Variants in CAND2 observed in about 807,000 individuals in gnomAD.
The protein encoded by CAND2 is cullin associated and neddylation dissociated 2 (putative), also known as cullin-associated NEDD8-dissociated protein 2.
A neutral mutation model predicts 98.9 loss-of-function variants in CAND2; 62 were observed. The observed-to-expected ratio is 0.63, with a 90% CI of 0.51 to 0.77. The LOEUF is 0.77. CAND2 is among the 30% of genes least tolerant of loss of function. The pLI, the probability that CAND2 is intolerant of heterozygous loss-of-function variation, is 0.00. For synonymous variants in CAND2, 770 were observed against 731.9 expected, an observed-to-expected ratio of 1.05 and a Z score of -0.84; for missense variants, 1,501 against 1,655.2, an observed-to-expected ratio of 0.91 and a Z score of 1.62.
chr3:12,817,345 G>A lies in CAND2; in HGVS notation c.2413G>A (p.Ala805Thr), dbSNP rs2061916173. Residue 805 changes from alanine to threonine, a missense_variant, in exon 10 of 15, where the codon GCC (alanine) becomes ACC (threonine). Physicochemically the swap from Ala to Thr is moderately conservative, Grantham distance 58. Transcript: ENST00000456430. ...GCACAAGCAGGTGTTCCACTCATTG[G>A]CCCGGTGTGTGGCAGCCCTCTCAGC... ...GLHKQVFHSL[A>T]RCVAALSAAC... 6.2e-7 allele frequency: 1 copy of A among 1,613,906 alleles called. No individual in the cohort carries two copies. The highest frequency in any genetic ancestry group is 8.5e-7 in the Non-Finnish European group (1 of 1,180,038).
intron 1 of CAND2, among the ~76,000 whole-genome samples, chr3:12,797,420 T>C (rs1419665305): frequency 2.6e-5 from 4 of 151,914 alleles, no homozygotes; most frequent in Middle Eastern, 3.2e-3. Flanking sequence ...GGGCTGAGTC[T>C]GGCTTTCCAG....
chr3:12,826,229 A>G (rs879544313), intron 12 of CAND2, among the ~76,000 whole-genome samples: 31 of 152,178 alleles, frequency 2.0e-4, no homozygotes, highest in Non-Finnish European at 4.3e-4. Flanking sequence ...ATCATACACC[A>G]AGGAGCAGCT....
At chr3:12,821,992 CAT>C (rs2061960202) in intron 11 of CAND2, among the ~76,000 whole-genome samples, 1 of 152,120 alleles carries the variant, frequency 6.6e-6, no homozygotes, top group African/African-American at 2.4e-5. Flanking sequence ...TCCTTGTTCT[CAT>C]CAATTTTTTT....
rs752130684 is a variant in CAND2 at position 12,816,769 on chromosome 3, A to G, written c.1837A>G (p.Thr613Ala). Residue 613 changes from threonine (T) to alanine (A), a missense_variant, in exon 10 of 15, where the codon ACG becomes GCG. Thr to Ala is a moderately conservative substitution (Grantham distance 58). Transcript: ENST00000456430. The part of the protein sequence containing the change: ...GDRLGDDLEP[T>A]LLLLLDRLRN... ...CCGGCTTGGGGATGACCTGGAGCCC[A>G]CGTTACTGCTCCTCCTGGACCGCCT... 2 of 1,613,520 alleles carry G rather than the reference A, an allele frequency of 1.2e-6. No individual in the cohort carries two copies. Among genetic ancestry groups the G allele is most frequent in the Admixed American group, 3.3e-5 (2 of 60,028 alleles).
In CAND2 at chr3:12,816,393, C is replaced by T. The variant is rs190498320; in HGVS notation, c.1461C>T (p.Ala487=). ...VLVSGIIFSL[A]DRSSSSTIRM... ...CTGCAGGCATCATCTTCTCGCTGGC[C>T]GACCGCTCCAGCTCCTCCACCATCC... Residue 487 remains alanine, a synonymous_variant, in exon 10 of 15, where the codon GCC becomes GCT. Transcript: ENST00000456430. The T allele has an allele frequency of 3.5e-5, 57 of 1,612,332 alleles. No individual in the cohort carries two copies. The South Asian group carries it at 4.6e-4, about 13-fold the overall frequency.
chr3:12,808,099 T>TGGGACC, intron 3 of CAND2, 111 bp from the exon 4 acceptor site: 1 of 1,384,628 alleles, frequency 7.2e-7, no homozygotes, highest in South Asian at 1.4e-5. Flanking sequence ...CCTGGTAAGA[T>TGGGACC]TCCCGGGGAT....
Position 12,827,433 on chromosome 3 carries a change from C to T in CAND2, c.3211-7C>T. The stretch of plus-strand genomic sequence containing the variant: ...GGCCATATCACCAACCTTCATCCCT[C>T]CTGCAGGTGGAGATGGGGCCCTTTA... On this transcript the variant is annotated splice_region_variant and splice_polypyrimidine_tract_variant and intron_variant, in intron 12 of 14. Coordinates refer to ENST00000456430, the MANE Select transcript of CAND2 (RefSeq NM_001162499.2). The T allele has an allele frequency of 6.2e-7, 1 of 1,611,442 alleles. No individual in the cohort carries two copies.
At position 12,831,622 on chromosome 3, in the gene CAND2, CCTCGGCCAGTCGTTCA is replaced by C. The variant is rs747680004; in HGVS notation, c.3483+51_3483+66del. On this transcript the variant is annotated intron_variant, in intron 14 of 14. Coordinates refer to ENST00000456430, the MANE Select transcript of CAND2 (RefSeq NM_001162499.2). ...CCAGGCCCTGGAGCACCTATGGAGTCCTCGGCCAGTCGTTCAGTTACCCTTACTGAGCACTTCCTGC... is the reference window on the plus strand; with the variant it reads ...CCAGGCCCTGGAGCACCTATGGAGTCGTTACCCTTACTGAGCACTTCCTGC... The C allele has an allele frequency of 9.3e-6, 12 of 1,288,002 alleles. No homozygotes were observed. In the Middle Eastern group the frequency reaches 6.0e-4, roughly 64 times the overall value. 79.8% of individuals were successfully genotyped at this position (1,288,002 alleles called of 1,614,324 possible).
chr3:12,817,771 G>C lies in CAND2; in HGVS notation c.2839G>C (p.Gly947Arg). 1 of 1,549,268 alleles carries C rather than the reference G, an allele frequency of 6.5e-7. No homozygotes were observed. Residue 947 changes from glycine to arginine, a missense_variant, in exon 10 of 15, where the codon GGT becomes CGT. Physicochemically the swap from Gly to Arg is moderately radical, Grantham distance 125. Around this residue, in one of 3 missense-constraint regions of CAND2, gnomAD observed 1,427 missense variants for 1,545.3 expected, o/e 0.92. Transcript: ENST00000456430. The part of the protein sequence containing the change: ...IWALLFQRCE[G>R]AEEGTRGVVA... ...GGCCTTGCTGTTCCAGCGCTGCGAG[G>C]GTGCTGAGGAGGGCACCCGGGGGGT...
At chr3:12,821,233 CAAA>C (rs10589402) in intron 11 of CAND2, among the ~76,000 whole-genome samples, 320 of 139,822 alleles carry the variant, frequency 2.3e-3, no homozygotes, top group African/African-American at 4.2e-3. Flanking sequence ...GACTCCGTCT[CAAA>C]AAAAAAAAAA....
chr3:12,802,716 C>T (rs1448696244), intron 1 of CAND2, among the ~76,000 whole-genome samples: 6 of 152,198 alleles, frequency 3.9e-5, no homozygotes, highest in Admixed American at 1.3e-4. Flanking sequence ...TGGCACTTAA[C>T]GACGGGGAAA....
At chr3:12,804,407 G>GC (rs2061790306) in intron 2 of CAND2, among the ~76,000 whole-genome samples, 1 of 152,142 alleles carries the variant, frequency 6.6e-6, no homozygotes, top group South Asian at 2.1e-4. Context: ...AGATTGCAGT[G>GC]AGCCAAGATT....
intron 1 of CAND2, among the ~76,000 whole-genome samples, chr3:12,796,995 G>A (rs1487555434): frequency 6.6e-6 from 1 of 150,668 alleles, no homozygotes; most frequent in Non-Finnish European, 1.5e-5. Flanking sequence ...CCTAGGGGCC[G>A]TCCTGCCCCT....
intron 2 of CAND2, among the ~76,000 whole-genome samples, chr3:12,806,570 C>G (rs867896216): frequency 1.3e-5 from 2 of 152,212 alleles, no homozygotes; most frequent in South Asian, 2.1e-4. Flanking sequence ...CCCCCAACCC[C>G]CTCCAGGCCA....
intron 1 of CAND2, among the ~76,000 whole-genome samples, chr3:12,800,558 T>C (rs1414372240): frequency 6.6e-6 from 1 of 152,278 alleles, no homozygotes; most frequent in East Asian, 1.9e-4. Flanking sequence ...CTCACATGCC[T>C]GCAGGAGCCA....
chr3:12,823,903 A>C (rs1352847778), intron 11 of CAND2, among the ~76,000 whole-genome samples: 1 of 152,230 alleles, frequency 6.6e-6, no homozygotes, highest in Admixed American at 6.5e-5. Flanking sequence ...TTTTGACTCA[A>C]ACAAAAAAAT....
At chr3:12,830,383 C>A (rs1008467587) in intron 13 of CAND2, among the ~76,000 whole-genome samples, 1 of 152,224 alleles carries the variant, frequency 6.6e-6, no homozygotes, top group African/African-American at 2.4e-5. Flanking sequence ...GGGGTGTACT[C>A]AGCTTCCATC....
At chr3:12,818,766 T>C (rs1434396780) in intron 10 of CAND2, among the ~76,000 whole-genome samples, 1 of 152,176 alleles carries the variant, frequency 6.6e-6, no homozygotes, top group Non-Finnish European at 1.5e-5. Flanking sequence ...ACTAGGTAGG[T>C]TAGTGATTTC....
chr3:12,807,192 C>A, intron 2 of CAND2, 114 bp from the exon 3 acceptor site: 1 of 948,512 alleles, frequency 1.1e-6, no homozygotes, highest in Non-Finnish European at 1.6e-6. Flanking sequence ...CCCTGATGAT[C>A]TGAGGCCTTT....
Sources: gnomAD v4.1 joint callset for allele counts (sites outside exome capture counted in the v4.1 genomes callset) on GRCh38, gnomAD v4.1.1 for gene constraint, gnomAD v4.1.1 regional missense constraint, MANE v1.5 for transcripts, NCBI Gene and HGNC (gene_info 2026-07-23, HGNC 2026-07-21) for gene names.